The following KCNH7 variants were observed in gnomAD, a reference collection of about 807,000 sequenced individuals.
KCNH7 encodes the protein potassium voltage-gated channel subfamily H member 7.
Under a neutral mutation model 120.8 loss-of-function variants are expected in KCNH7, and 49 were observed. The observed-to-expected ratio is 0.41, with a 90% confidence interval of 0.32 to 0.51. The LOEUF (loss-of-function observed/expected upper bound fraction) is 0.51. KCNH7 is among the 20% of genes least tolerant of loss of function. KCNH7 has a pLI of 0.38. For missense variants in KCNH7, 1,097 were observed against 1,446.6 expected (o/e 0.76, Z 3.92); for synonymous variants, 547 against 516.1 (o/e 1.06, Z -0.81).
intron 2 of KCNH7, among the ~76,000 whole-genome samples, chr2:162,807,632 G>A (rs1029128800): frequency 6.6e-6 from 1 of 152,044 alleles, no homozygotes; most frequent in Non-Finnish European, 1.5e-5. Flanking sequence ...TATAAACCAT[G>A]AGCCTTGAAA....
intron 7 of KCNH7, among the ~76,000 whole-genome samples, chr2:162,436,339 ATT>A (rs1296810550): frequency 1.3e-5 from 2 of 152,090 alleles, no homozygotes; most frequent in African/African-American, 4.8e-5. Flanking sequence ...ATTTAAATGC[ATT>A]TTTTATTCCT....
chr2:162,604,585 T>G (rs149043380), intron 2 of KCNH7, among the ~76,000 whole-genome samples: 264 of 152,180 alleles, frequency 1.7e-3, no homozygotes, highest in African/African-American at 5.9e-3. Flanking sequence ...CTGAGCTCTT[T>G]GTTTTCCCCT....
chr2:162,619,976 T>C (rs1251179889), intron 2 of KCNH7, among the ~76,000 whole-genome samples: 1 of 151,848 alleles, frequency 6.6e-6, no homozygotes, highest in Non-Finnish European at 1.5e-5. Context: ...TAAATTATAA[T>C]GAAGAGCTAA....
At chr2:162,705,046 T>G (rs1271676689) in intron 2 of KCNH7, among the ~76,000 whole-genome samples, 1 of 152,162 alleles carries the variant, frequency 6.6e-6, no homozygotes, top group East Asian at 1.9e-4. Context: ...ATGTCTATTA[T>G]CTTACATTTT....
At chr2:162,530,611 T>A (rs1691888870) in intron 3 of KCNH7, among the ~76,000 whole-genome samples, 1 of 152,032 alleles carries the variant, frequency 6.6e-6, no homozygotes, top group South Asian at 2.1e-4. Context: ...TTTCAGATCA[T>A]TTCAAGTGAT....
chr2:162,406,769 G>A, intron 9 of KCNH7, among the ~76,000 whole-genome samples: 1 of 151,884 alleles, frequency 6.6e-6, no homozygotes, highest in Non-Finnish European at 1.5e-5. Flanking sequence ...TTTAGCACTT[G>A]TAAGATACTA....
chr2:162,709,431 C>T (rs1046227127), intron 2 of KCNH7, among the ~76,000 whole-genome samples: 6 of 152,124 alleles, frequency 3.9e-5, no homozygotes, highest in African/African-American at 1.4e-4. Context: ...AACAGTTTTC[C>T]TTCCCCTAAA....
rs1031200744 is a variant in KCNH7 at position 162,642,765 on chromosome 2, C to T, written c.308-105685G>A. The stretch of plus-strand genomic sequence containing the variant: ...TGACACTTGCCTAACTCAAAATCCA[C>T]ATCATCATGCAGCTGTGTTCTTGCT... On this transcript the variant is annotated intron_variant, in intron 2 of 15. Coordinates refer to ENST00000332142, the MANE Select transcript of KCNH7 (RefSeq NM_033272.4). Among the ~76,000 whole-genome samples, 10 of 152,322 alleles carry T rather than the reference C, an allele frequency of 6.6e-5. No homozygotes were observed. The East Asian group carries it at 1.4e-3, about 21-fold the overall frequency.
chr2:162,451,351 T>A (rs1688765283), intron 6 of KCNH7, among the ~76,000 whole-genome samples: 1 of 152,064 alleles, frequency 6.6e-6, no homozygotes, highest in Non-Finnish European at 1.5e-5. Flanking sequence ...TCCAAAATAT[T>A]TAAAAACTGA....
intron 2 of KCNH7, among the ~76,000 whole-genome samples, chr2:162,648,070 T>A (rs1217745110): frequency 6.6e-6 from 1 of 152,140 alleles, no homozygotes; most frequent in African/African-American, 2.4e-5. Flanking sequence ...CTTGCAGTAT[T>A]TTTCCATTAA....
intron 2 of KCNH7, among the ~76,000 whole-genome samples, chr2:162,793,687 T>G (rs1330293481): frequency 6.6e-6 from 1 of 151,946 alleles, no homozygotes; most frequent in African/African-American, 2.4e-5. Flanking sequence ...ATCAAGTTCA[T>G]AGAAGTAGAG....
intron 2 of KCNH7, among the ~76,000 whole-genome samples, chr2:162,701,443 A>G (rs1033597080): frequency 6.6e-6 from 1 of 152,144 alleles, no homozygotes; most frequent in Non-Finnish European, 1.5e-5. Context: ...AATTTATCTC[A>G]GTTCAAATCC....
intron 2 of KCNH7, among the ~76,000 whole-genome samples, chr2:162,769,720 C>T (rs1466592176): frequency 6.6e-6 from 1 of 151,684 alleles, no homozygotes; most frequent in Non-Finnish European, 1.5e-5. Flanking sequence ...CATATGTGCA[C>T]ATATATGCAT....
chr2:162,451,238 G>A (rs1688762261), intron 6 of KCNH7, among the ~76,000 whole-genome samples: 1 of 151,932 alleles, frequency 6.6e-6, no homozygotes, highest in African/African-American at 2.4e-5. Flanking sequence ...TATAAAAGTA[G>A]TTGGTAAAAT....
chr2:162,562,194 G>T (rs12468367), intron 2 of KCNH7, among the ~76,000 whole-genome samples: 78,388 of 152,002 alleles, frequency 0.52, 20,438 homozygotes, highest in Middle Eastern at 0.62. Context: ...ATGTACCCCA[G>T]AACTTAAAGT....
At chr2:162,716,712 G>A (rs1253936006) in intron 2 of KCNH7, among the ~76,000 whole-genome samples, 1 of 152,084 alleles carries the variant, frequency 6.6e-6, no homozygotes, top group Non-Finnish European at 1.5e-5. Context: ...TATGCTATAA[G>A]TTTATGTGAA....
intron 2 of KCNH7, among the ~76,000 whole-genome samples, chr2:162,573,060 A>T (rs1000797793): frequency 1.9e-4 from 29 of 150,848 alleles, no homozygotes; most frequent in African/African-American, 5.4e-4. Context: ...TAACACACTT[A>T]AAAAAAAAGG....
At chr2:162,657,428 T>G (rs1684802846) in intron 2 of KCNH7, among the ~76,000 whole-genome samples, 1 of 152,206 alleles carries the variant, frequency 6.6e-6, no homozygotes, top group Non-Finnish European at 1.5e-5. Context: ...CCTTTTCAAA[T>G]AGGCGTTTTC....
chr2:162,722,134 A>G (rs1687341584), intron 2 of KCNH7, among the ~76,000 whole-genome samples: 1 of 152,090 alleles, frequency 6.6e-6, no homozygotes, highest in Admixed American at 6.6e-5. Flanking sequence ...AGAAACATAT[A>G]GACACTTTTT....
Sources: allele counts gnomAD v4.1 joint callset (sites outside exome capture counted in the v4.1 genomes callset), GRCh38; gene constraint gnomAD v4.1.1; transcripts MANE v1.5; gene names NCBI Gene and HGNC (gene_info 2026-07-23, HGNC 2026-07-21).